Variants in MRRF observed in about 807,000 individuals in gnomAD.
MRRF encodes the protein ribosome-recycling factor, mitochondrial.
Under a neutral mutation model 25.1 loss-of-function variants are expected in MRRF, and 18 were observed. The observed-to-expected ratio is 0.72, with a 90% CI of 0.50 to 1.06. The LOEUF (loss-of-function observed/expected upper bound fraction) is 1.06. MRRF is among the 50% of genes least tolerant of loss of function. The pLI is 0.00. For synonymous variants in MRRF, 113 were observed against 112.1 expected, an observed-to-expected ratio of 1.01 and a Z score of -0.05; for missense variants, 323 against 319.3, an observed-to-expected ratio of 1.01 and a Z score of -0.09.
intron 6 of MRRF, among the ~76,000 whole-genome samples, chr9:122,316,737 C>G (rs1249083039): frequency 6.6e-6 from 1 of 151,320 alleles, no homozygotes; most frequent in Non-Finnish European, 1.5e-5. Context: ...AATATATGTT[C>G]ATTGGAGAAA....
At chr9:122,317,153 G>C (rs558686538) in intron 6 of MRRF, among the ~76,000 whole-genome samples, 36 of 151,620 alleles carry the variant, frequency 2.4e-4, no homozygotes, top group Non-Finnish European at 4.6e-4. Context: ...TTACTGTACA[G>C]AGGGATTGCA....
chr9:122,277,438 A>G (rs1193025155), intron 2 of MRRF, among the ~76,000 whole-genome samples: 1 of 152,212 alleles, frequency 6.6e-6, no homozygotes, highest in Non-Finnish European at 1.5e-5. Context: ...GTTATGTTAT[A>G]TTCAGCTAGA....
rs1361450015 is a variant in MRRF at position 122,327,471 on chromosome 9, A to T, written c.*4854A>T. 6.6e-6 allele frequency: 1 copy of T among 152,186 alleles called. No homozygotes were observed. The highest frequency in any genetic ancestry group is 1.9e-4 in the East Asian group (1 of 5,206). The allele number at this position is 152,186 out of a possible 1,614,324, so 9.4% of individuals were successfully genotyped here. ...TAGACGGTCATTTTTCATGATGTGC[A>T]TTTGAAATGATATGTTCCCTATTTT... is the stretch of plus-strand genomic sequence containing the variant. On this transcript the variant is annotated 3_prime_UTR_variant, in exon 7 of 7. Coordinates refer to ENST00000344641, the MANE Select transcript of MRRF (RefSeq NM_138777.5).
intron 5 of MRRF, among the ~76,000 whole-genome samples, chr9:122,293,510 C>T (rs1833900705): frequency 6.6e-6 from 1 of 152,176 alleles, no homozygotes; most frequent in Admixed American, 6.5e-5. Flanking sequence ...TTTTTCCTGC[C>T]TCGTGGCCAG....
At chr9:122,289,459 A>T (rs891444804) in intron 4 of MRRF, among the ~76,000 whole-genome samples, 1 of 152,112 alleles carries the variant, frequency 6.6e-6, no homozygotes, top group Non-Finnish European at 1.5e-5. Flanking sequence ...AGCTTGTGAA[A>T]GGGAGGTAGT....
At chr9:122,286,074 A>G in intron 4 of MRRF, 2 of 1,283,270 alleles carry the variant, frequency 1.6e-6, no homozygotes, top group South Asian at 2.5e-5. Flanking sequence ...GAGTACCTGG[A>G]ATCCGGTCCC....
intron 6 of MRRF, among the ~76,000 whole-genome samples, chr9:122,321,532 G>T (rs1835893943): frequency 6.6e-6 from 1 of 152,018 alleles, no homozygotes; most frequent in Non-Finnish European, 1.5e-5. Flanking sequence ...GAGATTTTGG[G>T]GTTAAATGGT....
intron 3 of MRRF, among the ~76,000 whole-genome samples, 198 bp from the exon 4 acceptor site, chr9:122,284,971 T>C (rs1833294551): frequency 6.6e-6 from 1 of 152,162 alleles, no homozygotes; most frequent in African/African-American, 2.4e-5. Context: ...AAAATGTTTT[T>C]GTAGAGATGT....
chr9:122,267,726 A>G (rs1245405849), intron 1 of MRRF, among the ~76,000 whole-genome samples: 2 of 152,246 alleles, frequency 1.3e-5, no homozygotes, highest in Non-Finnish European at 2.9e-5. Flanking sequence ...AAGTGGGAAT[A>G]ATCATAGTAC....
chr9:122,285,030 T>C (rs918232855), intron 3 of MRRF, 139 bp from the exon 4 acceptor site: 2 of 695,042 alleles, frequency 2.9e-6, no homozygotes, highest in Admixed American at 2.1e-5. Context: ...CCCTCAAGCA[T>C]TCCTCCCACT....
At position 122,325,636 on chromosome 9, in the gene MRRF, GTGTGTGTGTGTGTGTGTGTGT is replaced by G. The variant is rs1435574001; in HGVS notation, c.*3020_*3040del. On this transcript the variant is annotated 3_prime_UTR_variant, in exon 7 of 7. Coordinates refer to ENST00000344641, the MANE Select transcript of MRRF (RefSeq NM_138777.5). The stretch of plus-strand genomic sequence containing the variant: ...TGAGAATTTTTTTCCTGTCTGGTGT[GTGTGTGTGTGTGTGTGTGTGT>G]GTGTGTGTGTGTGTGTGTGTGTGTG... 29 of 32,832 alleles carry G rather than the reference GTGTGTGTGTGTGTGTGTGTGT, an allele frequency of 8.8e-4. No homozygotes were observed. Among genetic ancestry groups the G allele is most frequent in the Non-Finnish European group, 2.3e-3 (29 of 12,544 alleles). The allele number at this position is 32,832 out of a possible 1,614,324, so 2.0% of individuals were successfully genotyped here. A position where few individuals can be genotyped will look rare whatever the true frequency, so the allele number is the denominator to read the frequency against.
chr9:122,318,092 C>T (rs1187938359), intron 6 of MRRF, among the ~76,000 whole-genome samples: 2 of 151,992 alleles, frequency 1.3e-5, no homozygotes, highest in Non-Finnish European at 2.9e-5. Context: ...GCCGAAATCG[C>T]GCCACTACAT....
intron 5 of MRRF, among the ~76,000 whole-genome samples, chr9:122,306,186 T>C (rs1834833617): frequency 6.6e-6 from 1 of 152,310 alleles, no homozygotes; most frequent in African/African-American, 2.4e-5. Context: ...CTTAAAATAG[T>C]TTATTACCTA....
chr9:122,281,442 A>AAT (rs1360778245), intron 3 of MRRF, among the ~76,000 whole-genome samples: 1 of 152,212 alleles, frequency 6.6e-6, no homozygotes, highest in African/African-American at 2.4e-5. Flanking sequence ...CCAAGTGAAA[A>AAT]ATACAGCTCC....
intron 3 of MRRF, among the ~76,000 whole-genome samples, chr9:122,281,876 TG>T (rs1178752870): frequency 6.6e-6 from 1 of 152,184 alleles, no homozygotes; most frequent in Non-Finnish European, 1.5e-5. Flanking sequence ...AGATTCTCGC[TG>T]GGGACAGATT....
At chr9:122,290,190 C>T (rs1833677015) in intron 4 of MRRF, among the ~76,000 whole-genome samples, 1 of 152,190 alleles carries the variant, frequency 6.6e-6, no homozygotes, top group African/African-American at 2.4e-5. Context: ...TATTCAGTCT[C>T]CTCTTAACTC....
Position 122,280,585 on chromosome 9 carries a change from A to G in MRRF, c.327A>G (p.Ile109Met), listed in dbSNP as rs1384572190. The G allele has an allele frequency of 2.5e-6, 4 of 1,613,926 alleles. No homozygotes were observed. Among genetic ancestry groups the G allele is most frequent in the South Asian group, 2.2e-5 (2 of 91,074 alleles). ...ATAATTTCAATAAGACTCTCAATAT[A>G]AGGACCTCACCAGGTTAGTGACTGA... ...LKDNFNKTLN[I>M]RTSPGSLDKI... The change falls in exon 3 of 7, where the codon ATA becomes ATG. Residue 109 changes from isoleucine to methionine, a missense_variant. Coordinates refer to ENST00000344641, the MANE Select transcript of MRRF (RefSeq NM_138777.5).
chr9:122,322,930 C>T lies in MRRF; in HGVS notation c.*313C>T. On this transcript the variant is annotated 3_prime_UTR_variant, in exon 7 of 7. Coordinates refer to ENST00000344641, the MANE Select transcript of MRRF (RefSeq NM_138777.5). The stretch of plus-strand genomic sequence containing the variant: ...GGCAGGCTTAGTACCACCTGCTCCT[C>T]ATCTTAGGAGTCTCCTTTTCAAATA... The T allele has an allele frequency of 4.2e-6, 2 of 472,606 alleles. No homozygotes were observed. Among genetic ancestry groups the T allele is most frequent in the South Asian group, 2.3e-5 (1 of 42,894 alleles). The allele number at this position is 472,606 out of a possible 1,614,324, so 29.3% of individuals were successfully genotyped here.
intron 2 of MRRF, among the ~76,000 whole-genome samples, chr9:122,272,452 G>A (rs1466826479): frequency 6.6e-6 from 1 of 151,956 alleles, no homozygotes; most frequent in African/African-American, 2.4e-5. Context: ...GATTGCTTGA[G>A]GCCAGGAGTT....
Sources: gnomAD v4.1 joint callset for allele counts (sites outside exome capture counted in the v4.1 genomes callset) on GRCh38, gnomAD v4.1.1 for gene constraint, MANE v1.5 for transcripts, NCBI Gene and HGNC (gene_info 2026-07-23, HGNC 2026-07-21) for gene names.